ACP1: variants seen among roughly 807,000 people sequenced by gnomAD.
The protein encoded by ACP1 is low molecular weight phosphotyrosine protein phosphatase.
Under a neutral mutation model 23.4 loss-of-function variants are expected in ACP1, and 23 were observed. The ratio of observed to expected loss-of-function variants is 0.98; its 90% CI spans 0.71 to 1.39. ACP1 has a LOEUF of 1.39. Ranked by LOEUF, ACP1 falls within the 40% of genes most tolerant of loss-of-function variation. The pLI is 0.00. For synonymous variants in ACP1, 72 were observed against 67.2 expected (o/e 1.07, Z -0.35); for missense variants, 180 against 197.7 (o/e 0.91, Z 0.54).
intron 4 of ACP1, 126 bp downstream of exon 4, chr2:275,327 A>G: frequency 2.2e-6 from 1 of 462,328 alleles, no homozygotes; most frequent in East Asian, 3.1e-5. Flanking sequence ...CACCATATGT[A>G]GAATTATTTT....
Position 277,559 on chromosome 2 carries a change from C to A in ACP1, c.*255C>A. 2.0e-6 allele frequency: 1 copy of A among 501,022 alleles called. No homozygotes were observed. Among genetic ancestry groups the A allele is most frequent in the Non-Finnish European group, 3.6e-6 (1 of 277,630 alleles). The allele number at this position is 501,022 out of a possible 1,614,324, so 31.0% of individuals were successfully genotyped here. On this transcript the variant is annotated 3_prime_UTR_variant, in exon 6 of 6. Transcript: ENST00000272065. The stretch of plus-strand genomic sequence containing the variant: ...TAGACTAGTTGAACATCTCACTTTG[C>A]CCCAGTTACAAAAATAGTAGAACAA...
Position 274,105 on chromosome 2 carries a change from GT to G in ACP1, c.232-1034del, listed in dbSNP as rs1446187705. Reference sequence around the variant, plus strand: ...TTGAACTCAAGAAGTTGAGGCTGCAGTGAGCTATGATCACACCACTGTACCC... The same window carrying G: ...TTGAACTCAAGAAGTTGAGGCTGCAGGAGCTATGATCACACCACTGTACCC... On this transcript the variant is annotated intron_variant, in intron 3 of 5. Coordinates refer to ENST00000272065, the MANE Select transcript of ACP1 (RefSeq NM_004300.4). Among the ~76,000 whole-genome samples the G allele has an allele frequency of 5.9e-5, 9 of 152,318 alleles. No homozygotes were observed. In the East Asian group the frequency reaches 1.5e-3, roughly 26 times the overall value.
chr2:265,916 G>A (rs1669862946), intron 1 of ACP1, among the ~76,000 whole-genome samples: 2 of 152,140 alleles, frequency 1.3e-5, no homozygotes, highest in African/African-American at 4.8e-5. Context: ...CTTCATCGCT[G>A]GGTGCCCATT....
chr2:265,082 GCCGCCGGC>G, intron 1 of ACP1, 75 bp downstream of exon 1: 1 of 1,583,198 alleles, frequency 6.3e-7, no homozygotes, highest in Non-Finnish European at 8.6e-7. Flanking sequence ...TGTAGGTTGT[GCCGCCGGC>G]CTAGGAACCA....
At chr2:268,594 T>C (rs1411664090) in intron 1 of ACP1, among the ~76,000 whole-genome samples, 1 of 152,212 alleles carries the variant, frequency 6.6e-6, no homozygotes, top group Non-Finnish European at 1.5e-5. Flanking sequence ...TTACCAGGTA[T>C]AGCAGACACA....
In ACP1 at chr2:277,417, G is replaced by A; in HGVS notation, c.*113G>A. On this transcript the variant is annotated 3_prime_UTR_variant, in exon 6 of 6. Coordinates refer to ENST00000272065, the MANE Select transcript of ACP1 (RefSeq NM_004300.4). ...GGCCCAAAGCCCAGCTCTTTGTTCA[G>A]TTGACTTACTGTTTCTTACCTTAAA... 1.1e-6 allele frequency: 1 copy of A among 890,898 alleles called. No individual in the cohort carries two copies. The highest frequency in any genetic ancestry group is 1.9e-6 in the Non-Finnish European group (1 of 533,716). 55.2% of individuals were successfully genotyped at this position (890,898 alleles called of 1,614,324 possible).
rs1130618 is a variant in ACP1 at position 272,101 on chromosome 2, A to G, written c.182A>G (p.Gln61Arg). Residue 61 changes from glutamine (Q) to arginine (R), a missense_variant, in exon 3 of 6, where the codon CAG becomes CGG. Physicochemically the swap from Gln to Arg is conservative, Grantham distance 43 (BLOSUM62 1). This residue lies in a region of ACP1 where 132 missense variants were observed against 124.1 expected (regional missense o/e 1.06). Transcript: ENST00000272065. ...EIGNPPDYRG[Q>R]SCMKRHGIPM... is the part of the protein sequence containing the mutation. Reference sequence around the variant, plus strand: ...GGGAACCCCCCTGACTACCGAGGGCAGAGCTGCATGAAGAGGCACGGCATT... The same window carrying G: ...GGGAACCCCCCTGACTACCGAGGGCGGAGCTGCATGAAGAGGCACGGCATT... 3.7e-6 allele frequency: 6 copies of G among 1,614,026 alleles called. No homozygotes were observed. In the African/African-American group the frequency reaches 8.0e-5, roughly 22 times the overall value.
At chr2:271,207 G>T (rs1670020874) in intron 1 of ACP1, among the ~76,000 whole-genome samples, 1 of 150,640 alleles carries the variant, frequency 6.6e-6, no homozygotes, top group African/African-American at 2.5e-5. Context: ...ATCCTTATGT[G>T]TGATATACTT....
chr2:267,269 C>T (rs1008831817), intron 1 of ACP1, among the ~76,000 whole-genome samples: 1 of 152,144 alleles, frequency 6.6e-6, no homozygotes, highest in Non-Finnish European at 1.5e-5. Flanking sequence ...GCATGCATTC[C>T]TCTAAGTGGT....
intron 1 of ACP1, among the ~76,000 whole-genome samples, chr2:271,259 C>T (rs555450035): frequency 1.3e-5 from 2 of 152,250 alleles, no homozygotes; most frequent in Non-Finnish European, 2.9e-5. Context: ...GGGGTTTGAA[C>T]TTTGAAGGAT....
At chr2:274,959 T>G in intron 3 of ACP1, 181 bp from the exon 4 acceptor site, 1 of 387,474 alleles carries the variant, frequency 2.6e-6, no homozygotes, top group African/African-American at 2.0e-5. Context: ...TTCTTTGCAG[T>G]ACAATTTTGA....
intron 3 of ACP1, chr2:272,577 G>C (rs1670076326): frequency 3.3e-6 from 3 of 907,896 alleles, no homozygotes; most frequent in Non-Finnish European, 4.7e-6. Context: ...TCTGTCTTCT[G>C]TTCCTTCCTG....
chr2:266,762 C>T (rs1485489628), intron 1 of ACP1, among the ~76,000 whole-genome samples: 1 of 152,106 alleles, frequency 6.6e-6, no homozygotes, highest in African/African-American at 2.4e-5. Flanking sequence ...AAGATTTGTT[C>T]GTACTGTAGA....
chr2:264,954 C>A lies in ACP1; in HGVS notation c.-11C>A, dbSNP rs759184328. On this transcript the variant is annotated 5_prime_UTR_variant, in exon 1 of 6. Transcript: ENST00000272065. ...ACGCCGCGGTGTCTCGGCGCCTCTG[C>A]GCGCGGGAAGATGGCGGAACAGGCT... is the stretch of plus-strand genomic sequence containing the variant. The A allele has an allele frequency of 1.2e-6, 2 of 1,612,036 alleles. No homozygotes were observed. Among genetic ancestry groups the A allele is most frequent in the African/African-American group, 1.3e-5 (1 of 74,632 alleles).
Position 271,800 on chromosome 2 carries a change from G to A in ACP1, c.44-66G>A. On this transcript the variant is annotated intron_variant, in intron 1 of 5. Coordinates refer to ENST00000272065, the MANE Select transcript of ACP1 (RefSeq NM_004300.4). ...CCCCGTGTGTCAGGTGTGTAAAGAAGGGGAGCTGGCATGTGCCCTTCCATC... is the reference window on the plus strand; with the variant it reads ...CCCCGTGTGTCAGGTGTGTAAAGAAAGGGAGCTGGCATGTGCCCTTCCATC... 11 of 1,273,160 alleles carry A rather than the reference G, an allele frequency of 8.6e-6. No homozygotes were observed. In the South Asian group the frequency reaches 1.3e-4, roughly 15 times the overall value. The allele number at this position is 1,273,160 out of a possible 1,614,324, so 78.9% of individuals were successfully genotyped here. A position where few individuals can be genotyped will look rare whatever the true frequency, so the allele number is the denominator to read the frequency against.
At chr2:270,457 A>T (rs747310511) in intron 1 of ACP1, among the ~76,000 whole-genome samples, 1 of 152,044 alleles carries the variant, frequency 6.6e-6, no homozygotes, top group Non-Finnish European at 1.5e-5. Context: ...TAAGATCCTG[A>T]TCATCCTTTT....
At chr2:268,935 T>A (rs74350122) in intron 1 of ACP1, among the ~76,000 whole-genome samples, 30 of 152,332 alleles carry the variant, frequency 2.0e-4, no homozygotes, top group Non-Finnish European at 4.3e-4. Flanking sequence ...TTCATATTGT[T>A]GTGGGGAAAG....
chr2:272,446 A>G (rs1670072223), intron 3 of ACP1: 2 of 1,445,156 alleles, frequency 1.4e-6, no homozygotes, highest in African/African-American at 1.4e-5. Flanking sequence ...ATTTTGTTTC[A>G]CTTCTGGTTG....
At chr2:271,779 G>C (rs1359460653) in intron 1 of ACP1, 87 bp from the exon 2 acceptor site, 1 of 1,009,986 alleles carries the variant, frequency 9.9e-7, no homozygotes, top group Admixed American at 1.7e-5. Flanking sequence ...CACAGCCCCC[G>C]TGTGTCAGGT....
Sources: gnomAD v4.1 joint callset for allele counts (sites outside exome capture counted in the v4.1 genomes callset) on GRCh38, gnomAD v4.1.1 for gene constraint, gnomAD v4.1.1 regional missense constraint, MANE v1.5 for transcripts, NCBI Gene and HGNC (gene_info 2026-07-23, HGNC 2026-07-21) for gene names.